The following PIWIL2 variants were observed in gnomAD, a reference collection of about 807,000 sequenced individuals.
PIWIL2 encodes the protein piwi like RNA-mediated gene silencing 2.
Under a neutral mutation model 116.5 loss-of-function variants are expected in PIWIL2, and 81 were observed. The ratio of observed to expected loss-of-function variants is 0.70; its 90% CI spans 0.58 to 0.84. The LOEUF is 0.84. Ranked by LOEUF, PIWIL2 falls within the 40% of genes least tolerant of loss-of-function variation. The pLI, the probability that PIWIL2 is intolerant of heterozygous loss-of-function variation, is 0.00. For synonymous variants in PIWIL2, 489 were observed against 429.5 expected (o/e 1.14, Z -1.71); for missense variants, 1,272 against 1,212.3 (o/e 1.05, Z -0.73).
At chr8:22,289,410 CA>C (rs1265324361) in intron 8 of PIWIL2, among the ~76,000 whole-genome samples, 1 of 152,160 alleles carries the variant, frequency 6.6e-6, no homozygotes, top group Non-Finnish European at 1.5e-5. Flanking sequence ...CTCAGCCTCC[CA>C]AAGTGCTGGG....
chr8:22,347,516 CTTTTTTTTTT>C lies in PIWIL2; in HGVS notation c.2404-5428_2404-5419del, dbSNP rs1218303089. The stretch of plus-strand genomic sequence containing the variant: ...ACAGGCGTGAGCCACTGTGCCTGGC[CTTTTTTTTTT>C]TTTTTTTTTTTTTTATTTGAGACGG... On this transcript the variant is annotated intron_variant, in intron 20 of 22. Coordinates refer to ENST00000356766, the MANE Select transcript of PIWIL2 (RefSeq NM_018068.5). 3.0e-5 allele frequency among the ~76,000 whole-genome samples: 3 copies of C among 98,476 alleles called. No homozygotes were observed. The South Asian group carries it at 1.3e-3, about 42-fold the overall frequency. The allele number at this position is 98,476 out of a possible 152,430, so 64.6% of individuals were successfully genotyped here. A position where few individuals can be genotyped will look rare whatever the true frequency, so the allele number is the denominator to read the frequency against.
At chr8:22,350,557 A>T (rs1012377093) in intron 20 of PIWIL2, among the ~76,000 whole-genome samples, 74 of 152,166 alleles carry the variant, frequency 4.9e-4, no homozygotes, top group African/African-American at 1.6e-3. Context: ...AGATGGTGCC[A>T]CTGTACTGCA....
At chr8:22,346,716 TAGA>T (rs1832235105) in intron 20 of PIWIL2, among the ~76,000 whole-genome samples, 1 of 152,174 alleles carries the variant, frequency 6.6e-6, no homozygotes, top group Non-Finnish European at 1.5e-5. Context: ...ATTAGCATAT[TAGA>T]AGGTAAAAAT....
At chr8:22,290,737 T>C (rs928557907) in intron 10 of PIWIL2, among the ~76,000 whole-genome samples, 3 of 149,750 alleles carry the variant, frequency 2.0e-5, no homozygotes, top group Non-Finnish European at 2.9e-5. Flanking sequence ...TAGGCATGAG[T>C]CATGGCACCC....
chr8:22,325,337 C>T (rs1831697550), intron 20 of PIWIL2, among the ~76,000 whole-genome samples: 1 of 152,106 alleles, frequency 6.6e-6, no homozygotes, highest in Non-Finnish European at 1.5e-5. Flanking sequence ...TCAGGTTTTC[C>T]TTTCTTCCAC....
At chr8:22,298,729 G>A (rs1051746315) in intron 10 of PIWIL2, among the ~76,000 whole-genome samples, 2 of 152,242 alleles carry the variant, frequency 1.3e-5, no homozygotes, top group African/African-American at 4.8e-5. Flanking sequence ...GCTTACTGCA[G>A]TTAGAGACTA....
intron 10 of PIWIL2, among the ~76,000 whole-genome samples, chr8:22,292,781 T>C (rs1052152405): frequency 6.6e-6 from 1 of 152,188 alleles, no homozygotes; most frequent in Non-Finnish European, 1.5e-5. Flanking sequence ...CTTGTAAAGG[T>C]TAAAGCAGAG....
chr8:22,278,145 G>A (rs1830420145), intron 1 of PIWIL2, among the ~76,000 whole-genome samples: 1 of 151,722 alleles, frequency 6.6e-6, no homozygotes, highest in African/African-American at 2.4e-5. Flanking sequence ...TCCAGCCTTG[G>A]CAATAAGAGT....
At chr8:22,345,084 GGAA>G in intron 20 of PIWIL2, among the ~76,000 whole-genome samples, 1 of 152,334 alleles carries the variant, frequency 6.6e-6, no homozygotes, top group Admixed American at 6.5e-5. Flanking sequence ...AAGATAAGGT[GGAA>G]GAGTCACTTG....
At position 22,355,938 on chromosome 8, in the gene PIWIL2, C is replaced by G. The variant is rs1040694171; in HGVS notation, c.*433C>G. 1 of 172,752 alleles carries G rather than the reference C, an allele frequency of 5.8e-6. No homozygotes were observed. Among genetic ancestry groups the G allele is most frequent in the African/African-American group, 2.4e-5 (1 of 42,280 alleles). 10.7% of individuals were successfully genotyped at this position (172,752 alleles called of 1,614,324 possible). A position where few individuals can be genotyped will look rare whatever the true frequency, so the allele number is the denominator to read the frequency against. On this transcript the variant is annotated 3_prime_UTR_variant, in exon 23 of 23. Transcript: ENST00000356766. ...ATACAAAAAAATTAGCCGGGTGTGG[C>G]GGTGCACGCCTGTAGTCCCAGCTAC...
intron 18 of PIWIL2, among the ~76,000 whole-genome samples, chr8:22,315,395 C>T (rs1831434089): frequency 1.3e-5 from 2 of 152,296 alleles, no homozygotes; most frequent in African/African-American, 2.4e-5. Flanking sequence ...TGGCTCACTG[C>T]AACGTCCACC....
At chr8:22,349,253 T>C (rs946710360) in intron 20 of PIWIL2, among the ~76,000 whole-genome samples, 1 of 151,108 alleles carries the variant, frequency 6.6e-6, no homozygotes, top group African/African-American at 2.4e-5. Context: ...GTCATCCGCC[T>C]GCCTCAGCCT....
At chr8:22,277,084 C>T (rs752385580) in intron 1 of PIWIL2, among the ~76,000 whole-genome samples, 3 of 151,162 alleles carry the variant, frequency 2.0e-5, no homozygotes, top group Non-Finnish European at 3.0e-5. Context: ...TGGAGTGCCA[C>T]GATCTTGACT....
intron 10 of PIWIL2, among the ~76,000 whole-genome samples, chr8:22,293,853 A>G (rs1458066763): frequency 6.6e-6 from 1 of 152,048 alleles, no homozygotes; most frequent in Non-Finnish European, 1.5e-5. Context: ...TTGGTTTTTG[A>G]TATTTGTCAG....
Position 22,316,326 on chromosome 8 carries a change from A to C in PIWIL2, c.2290A>C (p.Ile764Leu), listed in dbSNP as rs1190157369. The C allele has an allele frequency of 1.2e-6, 2 of 1,600,798 alleles. No homozygotes were observed. The highest frequency in any genetic ancestry group is 2.2e-5 in the South Asian group (2 of 90,784). Reference sequence around the variant, plus strand: ...CTCCGTGGTTGGCTTCGTGGCAAGCATCAATCTGTAAGTACTGCTCACAGT... The same window carrying C: ...CTCCGTGGTTGGCTTCGTGGCAAGCCTCAATCTGTAAGTACTGCTCACAGT... ...MRSVVGFVAS[I>L]NLTLTKWYSR... The change falls in exon 19 of 23, where the codon ATC becomes CTC. Residue 764 changes from isoleucine to leucine, a missense_variant. Transcript: ENST00000356766.
At chr8:22,302,132 A>AT (rs552010002) in intron 10 of PIWIL2, among the ~76,000 whole-genome samples, 109 of 151,266 alleles carry the variant, frequency 7.2e-4, no homozygotes, top group African/African-American at 2.5e-3. Context: ...GAGATTTCTT[A>AT]TTTTTCTTTC....
intron 10 of PIWIL2, among the ~76,000 whole-genome samples, chr8:22,301,562 G>T (rs1412331750): frequency 6.6e-6 from 1 of 152,144 alleles, no homozygotes. Context: ...CCAAAGTGCT[G>T]GGATTACAGG....
At chr8:22,333,683 CAGA>C (rs1481004264) in intron 20 of PIWIL2, among the ~76,000 whole-genome samples, 1 of 151,852 alleles carries the variant, frequency 6.6e-6, no homozygotes, top group East Asian at 1.9e-4. Context: ...CTATAGAAAC[CAGA>C]AGGTTAGTGG....
intron 20 of PIWIL2, among the ~76,000 whole-genome samples, chr8:22,340,169 C>T (rs920237343): frequency 2.6e-5 from 4 of 151,002 alleles, no homozygotes; most frequent in Admixed American, 1.3e-4. Context: ...TCTCCTGCCT[C>T]AGCCTCCCAA....
Sources: gnomAD v4.1 joint callset for allele counts (sites outside exome capture counted in the v4.1 genomes callset) on GRCh38, gnomAD v4.1.1 for gene constraint, MANE v1.5 for transcripts, NCBI Gene and HGNC (gene_info 2026-07-23, HGNC 2026-07-21) for gene names.